The following BLTP1 variants were observed in gnomAD, a reference collection of about 807,000 sequenced individuals.
BLTP1 encodes fragile site-associated protein.
the BLTP1 span, among the ~76,000 whole-genome samples, chr4:122,280,972 GA>G: frequency 6.6e-6 from 1 of 152,116 alleles, no homozygotes; most frequent in Non-Finnish European, 1.5e-5. Context: ...TGTAGTAGTT[GA>G]AAAATCAGAC....
the BLTP1 span, chr4:122,246,867 C>T: frequency 7.7e-6 from 12 of 1,565,362 alleles, no homozygotes; most frequent in Non-Finnish European, 1.0e-5. Flanking sequence ...TAAAAGCAAG[C>T]CTTGATCATC....
chr4:122,189,587 T>A, the BLTP1 span: 1 of 878,214 alleles, frequency 1.1e-6, no homozygotes, highest in African/African-American at 1.8e-5. Flanking sequence ...GTGGTCAAAT[T>A]TTAATTTTGT....
the BLTP1 span, among the ~76,000 whole-genome samples, chr4:122,310,280 A>G: frequency 6.6e-6 from 1 of 152,106 alleles, no homozygotes; most frequent in Non-Finnish European, 1.5e-5. Context: ...ATTCAAAATG[A>G]AAAAGTCTTG....
chr4:122,168,053 T>C, the BLTP1 span: 45 of 209,976 alleles, frequency 2.1e-4, no homozygotes, highest in African/African-American at 9.9e-4. Flanking sequence ...CCAGAATATC[T>C]ACTTCTTACT....
chr4:122,152,717 T>G, the BLTP1 span: 1 of 858,822 alleles, frequency 1.2e-6, no homozygotes, highest in Non-Finnish European at 1.4e-6. Flanking sequence ...CTCCTTCATA[T>G]TCCTTTGCCA....
chr4:122,249,819 A>G, the BLTP1 span: 2 of 1,418,794 alleles, frequency 1.4e-6, no homozygotes, highest in Non-Finnish European at 1.9e-6. Flanking sequence ...GGGATTATTT[A>G]CCGGGGGTGA....
At chr4:122,230,565 A>G in the BLTP1 span, among the ~76,000 whole-genome samples, 1 of 152,184 alleles carries the variant, frequency 6.6e-6, no homozygotes, top group East Asian at 1.9e-4. Flanking sequence ...GTCATCATTC[A>G]TTCCTAGAAA....
chr4:122,198,397 A>C, the BLTP1 span: 4 of 985,384 alleles, frequency 4.1e-6, no homozygotes, highest in Non-Finnish European at 4.8e-6. Flanking sequence ...CATCTTTTAC[A>C]GGTGTATGAT....
the BLTP1 span, among the ~76,000 whole-genome samples, chr4:122,295,491 G>A: frequency 2.0e-5 from 3 of 151,928 alleles, no homozygotes; most frequent in Admixed American, 6.6e-5. Context: ...TTCCAACCTA[G>A]AATTTCACAT....
At chr4:122,316,573 T>A in the BLTP1 span, 1 of 957,886 alleles carries the variant, frequency 1.0e-6, no homozygotes, top group South Asian at 1.4e-5. Context: ...AATAGATTCC[T>A]TATGAAATTG....
chr4:122,250,814 A>G, the BLTP1 span: 103 of 532,654 alleles, frequency 1.9e-4, no homozygotes, highest in Non-Finnish European at 2.3e-4. Flanking sequence ...GCCTTGCTCA[A>G]ATTAGATACC....
the BLTP1 span, chr4:122,277,115 T>C: frequency 3.1e-6 from 3 of 969,568 alleles, no homozygotes; most frequent in Non-Finnish European, 3.7e-6. Flanking sequence ...GGTGGGAGGA[T>C]TGCTTGAGGC....
At chr4:122,265,020 C>G in the BLTP1 span, among the ~76,000 whole-genome samples, 5 of 152,070 alleles carry the variant, frequency 3.3e-5, no homozygotes, top group South Asian at 6.2e-4. Flanking sequence ...AAAACATACT[C>G]TTTGGTTTGA....
the BLTP1 span, chr4:122,251,227 A>G: frequency 2.7e-6 from 2 of 739,008 alleles, no homozygotes; most frequent in African/African-American, 3.7e-5. Context: ...GGTAATACAT[A>G]TGAAGGGCTT....
At chr4:122,199,959 C>T in the BLTP1 span, 1 of 970,548 alleles carries the variant, frequency 1.0e-6, no homozygotes, top group Non-Finnish European at 1.2e-6. Flanking sequence ...ATTGGGGACT[C>T]ATTAATCAAG....
the BLTP1 span, chr4:122,197,562 C>A: frequency 2.0e-6 from 1 of 508,470 alleles, no homozygotes; most frequent in Non-Finnish European, 2.5e-6. Context: ...TCCAGTTAGA[C>A]TGTTGCACTT....
the BLTP1 span, among the ~76,000 whole-genome samples, chr4:122,176,850 T>C: frequency 6.6e-6 from 1 of 152,314 alleles, no homozygotes; most frequent in East Asian, 1.9e-4. Flanking sequence ...TAAAATAATC[T>C]CTAAACTGTT....
chr4:122,349,520 T>G, the BLTP1 span: 4 of 1,611,246 alleles, frequency 2.5e-6, no homozygotes, highest in Non-Finnish European at 2.5e-6. This position sits in a 1 kb window ranked among gnomAD's most constrained non-coding sequence, Gnocchi z 4.5. Context: ...CTACTGAAGC[T>G]CGTGTTGATT....
chr4:122,205,640 CT>C, the BLTP1 span, among the ~76,000 whole-genome samples: 1 of 12,054 alleles, frequency 8.3e-5, no homozygotes, highest in African/African-American at 1.6e-4. Context: ...TTTCCCCCCC[CT>C]TCTCTCTCTC....
Sources: allele counts gnomAD v4.1 joint callset (sites outside exome capture counted in the v4.1 genomes callset), GRCh38; gene constraint gnomAD v4.1.1; non-coding constraint Gnocchi (gnomAD v3.1); transcripts MANE v1.5; gene names NCBI Gene and HGNC (gene_info 2026-07-23, HGNC 2026-07-21).